ANKHD1: variants seen among roughly 807,000 people sequenced by gnomAD.
ANKHD1 encodes the protein ankyrin repeat and KH domain containing 1.
In ANKHD1, 31 loss-of-function variants were observed where a neutral mutation model predicts 230.5. That is an observed-to-expected ratio of 0.13 (90% CI 0.10 to 0.18). The LOEUF is 0.18. ANKHD1 is among the 10% of genes least tolerant of loss of function. ANKHD1 has a pLI of 1.00. For missense variants in ANKHD1, 2,256 were observed against 3,071.3 expected, an observed-to-expected ratio of 0.73 and a Z score of 6.27; for synonymous variants, 1,074 against 1,117.6, an observed-to-expected ratio of 0.96 and a Z score of 0.78.
At position 140,438,519 on chromosome 5, in the gene ANKHD1, G is replaced by T. The variant is rs1338832084; in HGVS notation, c.519G>T (p.Arg173=). The change falls in exon 3 of 34, where the codon CGG becomes CGT. Residue 173 remains arginine (R), a synonymous_variant. Transcript: ENST00000360839. The part of the protein sequence containing the change: ...GKAFADPEVL[R]RLTSSVSCAL... ...CTTTTGCAGATCCTGAGGTACTCCGGAGACTGACATCCTCAGTTAGTTGTG... is the reference window on the plus strand; with the variant it reads ...CTTTTGCAGATCCTGAGGTACTCCGTAGACTGACATCCTCAGTTAGTTGTG... 6.2e-7 allele frequency: 1 copy of T among 1,613,292 alleles called. No homozygotes were observed. Among genetic ancestry groups the T allele is most frequent in the Non-Finnish European group, 8.5e-7 (1 of 1,179,608 alleles).
chr5:140,468,309 A>G (rs2126989187), intron 10 of ANKHD1, among the ~76,000 whole-genome samples: 1 of 151,926 alleles, frequency 6.6e-6, no homozygotes, highest in Admixed American at 6.6e-5. Context: ...GTAGTTTATC[A>G]CTGACTTACC....
chr5:140,424,061 A>G (rs148743938), intron 1 of ANKHD1, among the ~76,000 whole-genome samples: 97 of 152,302 alleles, frequency 6.4e-4, no homozygotes, highest in Middle Eastern at 6.8e-3. Flanking sequence ...GGCGTTGTCT[A>G]TCTTTCCAAC....
chr5:140,440,232 T>G lies in ANKHD1; in HGVS notation c.731T>G (p.Leu244Trp). The G allele has an allele frequency of 6.2e-7, 1 of 1,613,310 alleles. No homozygotes were observed. Among genetic ancestry groups the G allele is most frequent in the Non-Finnish European group, 8.5e-7 (1 of 1,179,532 alleles). Residue 244 changes from leucine (L) to tryptophan (W), a missense_variant, in exon 4 of 34, where the codon TTG (leucine) becomes TGG (tryptophan). By Grantham distance (61) the Leu-to-Trp change is moderately conservative. This residue lies in a region of ANKHD1 where 206 missense variants were observed against 304.5 expected (regional missense o/e 0.68). Transcript: ENST00000360839. Reference protein sequence around the residue: ...HTEEGESLLCLACSAGYYELA... With the variant: ...HTEEGESLLCWACSAGYYELA... ...GAAGAAGGAGAAAGCCTGCTGTGTT[T>G]GGCTTGTTCAGCAGGGTATTATGAA...
Position 140,528,649 on chromosome 5 carries a change from A to G in ANKHD1, c.5703A>G (p.Thr1901=). ...TGAGACCTGTGAATCCTGGCAACAC[A>G]AATAGCTCTCCAAAGCATAATAACA... The part of the protein sequence containing the change: ...FPVRPVNPGN[T]NSSPKHNNTS... The change falls in exon 29 of 34, where the codon ACA becomes ACG. Residue 1901 remains threonine (T), a synonymous_variant. Transcript: ENST00000360839. The G allele has an allele frequency of 1.2e-6, 2 of 1,614,160 alleles. No homozygotes were observed. Among genetic ancestry groups the G allele is most frequent in the Non-Finnish European group, 1.7e-6 (2 of 1,180,042 alleles).
At chr5:140,470,550 TC>T (rs1776413510) in intron 10 of ANKHD1, among the ~76,000 whole-genome samples, 1 of 151,394 alleles carries the variant, frequency 6.6e-6, no homozygotes, top group Non-Finnish European at 1.5e-5. Flanking sequence ...GTCCTTTTCT[TC>T]TGCATTGTGT....
At chr5:140,416,428 T>C (rs1335540940) in intron 1 of ANKHD1, among the ~76,000 whole-genome samples, 2 of 152,178 alleles carry the variant, frequency 1.3e-5, no homozygotes, top group African/African-American at 4.8e-5. Flanking sequence ...ATATCCAGTT[T>C]TTTAGCACCA....
At chr5:140,435,598 C>T in intron 1 of ANKHD1, among the ~76,000 whole-genome samples, 1 of 152,012 alleles carries the variant, frequency 6.6e-6, no homozygotes, top group South Asian at 2.1e-4. Context: ...AGGATGGTCT[C>T]AAACTCTTGA....
At position 140,405,565 on chromosome 5, in the gene ANKHD1, C is replaced by T. The variant is rs76021843; in HGVS notation, c.306+3292C>T. Among the ~76,000 whole-genome samples, 1,077 of 152,292 alleles carry T rather than the reference C, an allele frequency of 7.1e-3. 10 individuals carry two copies. The highest frequency in any genetic ancestry group is 0.025 in the African/African-American group (1,021 of 41,564). On this transcript the variant is annotated intron_variant, in intron 1 of 33. Transcript: ENST00000360839. ...AGGTAACAGTGTTCTTCAAAAAATACTCATGTAATTGGCATTTGATGAATA... is the reference window on the plus strand; with the variant it reads ...AGGTAACAGTGTTCTTCAAAAAATATTCATGTAATTGGCATTTGATGAATA...
chr5:140,420,370 T>C (rs559876555), intron 1 of ANKHD1, among the ~76,000 whole-genome samples: 1 of 152,288 alleles, frequency 6.6e-6, no homozygotes, highest in East Asian at 1.9e-4. Flanking sequence ...TTGCTTGTGC[T>C]CTTGTTGTCA....
At chr5:140,438,126 A>G (rs963444430) in intron 2 of ANKHD1, among the ~76,000 whole-genome samples, 3 of 152,232 alleles carry the variant, frequency 2.0e-5, no homozygotes, top group East Asian at 1.9e-4. Flanking sequence ...ATCCTGTACT[A>G]GAGATCTTAT....
intron 1 of ANKHD1, among the ~76,000 whole-genome samples, chr5:140,421,797 G>T (rs1314704431): frequency 6.6e-6 from 1 of 152,068 alleles, no homozygotes; most frequent in South Asian, 2.1e-4. Flanking sequence ...TCTTACTTGG[G>T]ACTTGACTGA....
intron 1 of ANKHD1, among the ~76,000 whole-genome samples, chr5:140,429,803 A>G (rs997558513): frequency 2.0e-5 from 3 of 152,238 alleles, no homozygotes; most frequent in African/African-American, 7.2e-5. Flanking sequence ...AAAGCATATT[A>G]CTATTATTGG....
chr5:140,422,970 G>A (rs1199131038), intron 1 of ANKHD1, among the ~76,000 whole-genome samples: 2 of 151,616 alleles, frequency 1.3e-5, no homozygotes, highest in African/African-American at 4.8e-5. Context: ...CTACCTCCTG[G>A]GTTCAAGCAA....
In ANKHD1 at chr5:140,402,139, AGCAGCG is replaced by A; in HGVS notation, c.175_180del (p.Ser59_Gly60del). On this transcript the variant is annotated inframe_deletion, in exon 1 of 34. Coordinates refer to ENST00000360839, the MANE Select transcript of ANKHD1 (RefSeq NM_017747.3). ...GGCCGGGCCAGCGTCGGGAGTCGGC[AGCAGCG>A]GCGGCGGCGGCAGCGGCAGCGGTAC... The A allele has an allele frequency of 2.6e-6, 4 of 1,546,942 alleles. No homozygotes were observed. Among genetic ancestry groups the A allele is most frequent in the Non-Finnish European group, 3.5e-6 (4 of 1,150,848 alleles).
chr5:140,424,395 C>T lies in ANKHD1; in HGVS notation c.307-11709C>T, dbSNP rs180874001. ...AACTCCTGGGTTCAAGTCATCTTCC[C>T]GCCCCAGCCTCCCAAGCAGCTCTGA... On this transcript the variant is annotated intron_variant, in intron 1 of 33. Coordinates refer to ENST00000360839, the MANE Select transcript of ANKHD1 (RefSeq NM_017747.3). Among the ~76,000 whole-genome samples, 125 of 152,216 alleles carry T rather than the reference C, an allele frequency of 8.2e-4. 1 individual carries two copies. Among genetic ancestry groups the T allele is most frequent in the South Asian group, 2.3e-3 (11 of 4,824 alleles).
intron 10 of ANKHD1, among the ~76,000 whole-genome samples, chr5:140,475,035 C>T (rs1750886589): frequency 6.6e-6 from 1 of 152,146 alleles, no homozygotes; most frequent in Admixed American, 6.6e-5. Flanking sequence ...AAATCTAAAA[C>T]TACCTATGGA....
chr5:140,485,835 T>A lies in ANKHD1; in HGVS notation c.2142+103T>A. The A allele has an allele frequency of 6.8e-7, 1 of 1,472,926 alleles. No individual in the cohort carries two copies. The highest frequency in any genetic ancestry group is 9.1e-7 in the Non-Finnish European group (1 of 1,094,308). 91.2% of individuals were successfully genotyped at this position (1,472,926 alleles called of 1,614,324 possible). ...AAGCAAAATGGACTTGTTTTTATTC[T>A]CTGTTACATATTGAGAAAATCATGA... On this transcript the variant is annotated intron_variant, in intron 13 of 33. Coordinates refer to ENST00000360839, the MANE Select transcript of ANKHD1 (RefSeq NM_017747.3). This position sits in a 1 kb window ranked among gnomAD's most constrained non-coding sequence, Gnocchi z 4.8.
rs141993613 is a variant in ANKHD1 at position 140,514,187 on chromosome 5, T to TA, written c.4317+728dup. 7.3e-3 allele frequency among the ~76,000 whole-genome samples: 811 copies of TA among 111,430 alleles called. 5 individuals are homozygous for TA. Among genetic ancestry groups the TA allele is most frequent in the East Asian group, 0.026 (104 of 3,950 alleles). 73.1% of individuals were successfully genotyped at this position (111,430 alleles called of 152,430 possible). On this transcript the variant is annotated intron_variant, in intron 24 of 33. Coordinates refer to ENST00000360839, the MANE Select transcript of ANKHD1 (RefSeq NM_017747.3). ...CAACAGATCGAGACTCTCTCTCTAT[T>TA]AAAAAAAAAAAAAAAAAAAAGGAAT...
At chr5:140,474,381 C>T (rs1333956761) in intron 10 of ANKHD1, among the ~76,000 whole-genome samples, 1 of 152,088 alleles carries the variant, frequency 6.6e-6, no homozygotes, top group African/African-American at 2.4e-5. Flanking sequence ...AGAGAATGTC[C>T]TCCCTCCAAC....
Sources: allele counts gnomAD v4.1 joint callset (sites outside exome capture counted in the v4.1 genomes callset), GRCh38; gene constraint gnomAD v4.1.1; regional missense constraint gnomAD v4.1.1; non-coding constraint Gnocchi (gnomAD v3.1); transcripts MANE v1.5; gene names NCBI Gene and HGNC (gene_info 2026-07-23, HGNC 2026-07-21).